Variants in NRG3 observed in about 807,000 individuals in gnomAD.
NRG3 encodes the protein pro-neuregulin-3, membrane-bound isoform.
Under a neutral mutation model 66.9 loss-of-function variants are expected in NRG3, and 31 were observed. The observed-to-expected ratio is 0.46, with a 90% confidence interval of 0.35 to 0.63. The LOEUF (loss-of-function observed/expected upper bound fraction) is 0.63. Among genes scored for constraint, NRG3 ranks in the 20% least tolerant of loss-of-function variants. The probability of loss-of-function intolerance (pLI) is 0.00; values close to 1 mark genes in which losing one functional copy is unlikely to be tolerated. For missense variants in NRG3, 910 were observed against 878.9 expected (o/e 1.04, Z -0.45); for synonymous variants, 393 against 359.4 (o/e 1.09, Z -1.06).
At chr10:82,107,893 A>G (rs2067164053) in intron 1 of NRG3, among the ~76,000 whole-genome samples, 1 of 152,202 alleles carries the variant, frequency 6.6e-6, no homozygotes, top group Admixed American at 6.5e-5. Flanking sequence ...ATATCCAGGT[A>G]AGGTTGGTAA....
At chr10:82,074,302 A>G (rs1459598562) in intron 1 of NRG3, among the ~76,000 whole-genome samples, 2 of 152,104 alleles carry the variant, frequency 1.3e-5, no homozygotes, top group East Asian at 1.9e-4. Context: ...AGGATTGGGG[A>G]TCCCAGTGGA....
intron 4 of NRG3, among the ~76,000 whole-genome samples, chr10:82,871,429 G>A (rs969219385): frequency 6.6e-6 from 1 of 151,902 alleles, no homozygotes; most frequent in Non-Finnish European, 1.5e-5. Flanking sequence ...ATAAATGTTA[G>A]AATCAGTTTA....
At chr10:82,578,307 G>A (rs559709423) in intron 2 of NRG3, among the ~76,000 whole-genome samples, 118 of 141,088 alleles carry the variant, frequency 8.4e-4, no homozygotes, top group Non-Finnish European at 1.5e-3. Context: ...TGAAACTCAA[G>A]TTTCTCTGAT....
chr10:82,801,161 A>C (rs1334438424), intron 3 of NRG3, among the ~76,000 whole-genome samples: 1 of 152,198 alleles, frequency 6.6e-6, no homozygotes, highest in African/African-American at 2.4e-5. Context: ...TCCGCTAGAG[A>C]AAAGTTGCAC....
intron 2 of NRG3, among the ~76,000 whole-genome samples, chr10:82,412,795 A>G (rs958205657): frequency 1.3e-5 from 2 of 152,214 alleles, no homozygotes; most frequent in Admixed American, 6.6e-5. Context: ...CACTTCAACA[A>G]TGTTCACAGC....
At chr10:82,797,516 T>G (rs1332721169) in intron 3 of NRG3, among the ~76,000 whole-genome samples, 2 of 152,116 alleles carry the variant, frequency 1.3e-5, no homozygotes, top group Non-Finnish European at 2.9e-5. Context: ...AAACAATGTT[T>G]TTTTTCTGTC....
chr10:81,969,052 T>G (rs1274065340), intron 1 of NRG3, among the ~76,000 whole-genome samples: 1 of 152,190 alleles, frequency 6.6e-6, no homozygotes, highest in Non-Finnish European at 1.5e-5. Context: ...GGTATCTGAC[T>G]GAAGCCATCT....
intron 2 of NRG3, among the ~76,000 whole-genome samples, chr10:82,641,362 G>T (rs1293358199): frequency 2.0e-5 from 3 of 152,014 alleles, no homozygotes; most frequent in African/African-American, 7.2e-5. Context: ...TGTATATAAT[G>T]TCTCATATAT....
chr10:81,965,113 C>T (rs939063386), intron 1 of NRG3, among the ~76,000 whole-genome samples: 2 of 152,246 alleles, frequency 1.3e-5, no homozygotes, highest in South Asian at 2.1e-4. Context: ...GTGTTCCTGA[C>T]GAATTTCCGG....
intron 2 of NRG3, among the ~76,000 whole-genome samples, chr10:82,677,044 TTCTC>T (rs3040206): frequency 0.034 from 5,054 of 148,114 alleles, 190 homozygotes; most frequent in African/African-American, 0.094. Flanking sequence ...CTTTCTTTCT[TTCTC>T]TCTCTCTCTC....
At chr10:82,581,441 A>T (rs2046350042) in intron 2 of NRG3, among the ~76,000 whole-genome samples, 1 of 151,952 alleles carries the variant, frequency 6.6e-6, no homozygotes, top group African/African-American at 2.4e-5. Flanking sequence ...TTAAATTTTA[A>T]TTGATTTAAA....
At position 82,784,963 on chromosome 10, in the gene NRG3, C is replaced by G. The variant is rs546236434; in HGVS notation, c.1027+46313C>G. On this transcript the variant is annotated intron_variant, in intron 3 of 8. Transcript: ENST00000372141. ...AAGACTTGGAACCAACCCAAATGTC[C>G]GACAATGGTAGACTGGATTAAGAAA... is the stretch of plus-strand genomic sequence containing the variant. Among the ~76,000 whole-genome samples, 5 of 152,078 alleles carry G rather than the reference C, an allele frequency of 3.3e-5. No individual in the cohort carries two copies. The South Asian group carries it at 6.2e-4, about 19-fold the overall frequency.
intron 2 of NRG3, among the ~76,000 whole-genome samples, chr10:82,446,821 C>T (rs1262190879): frequency 6.6e-6 from 1 of 152,194 alleles, no homozygotes; most frequent in Non-Finnish European, 1.5e-5. Flanking sequence ...TTCAAAACTG[C>T]TTCCCGCAAT....
At chr10:81,912,233 T>A (rs1362438394) in intron 1 of NRG3, among the ~76,000 whole-genome samples, 1 of 152,174 alleles carries the variant, frequency 6.6e-6, no homozygotes, top group African/African-American at 2.4e-5. Flanking sequence ...ATGATGATGA[T>A]GATGATTACA....
intron 2 of NRG3, among the ~76,000 whole-genome samples, chr10:82,462,158 T>C (rs191116291): frequency 1.3e-5 from 2 of 151,404 alleles, no homozygotes; most frequent in Non-Finnish European, 2.9e-5. Context: ...TAAATAAATC[T>C]ATCTATCTAT....
intron 1 of NRG3, among the ~76,000 whole-genome samples, chr10:82,076,354 C>G (rs574574650): frequency 1.3e-5 from 2 of 152,284 alleles, no homozygotes; most frequent in Admixed American, 1.3e-4. Flanking sequence ...CTACCTTTAC[C>G]AAGTACATTT....
intron 1 of NRG3, among the ~76,000 whole-genome samples, chr10:82,338,135 C>G (rs909688692): frequency 6.6e-6 from 1 of 152,106 alleles, no homozygotes; most frequent in Non-Finnish European, 1.5e-5. Flanking sequence ...ACATAAAAAA[C>G]TTTTATGGAA....
chr10:82,973,747 T>C (rs749253299), intron 6 of NRG3, 41 bp from the exon 7 acceptor site: 2 of 1,612,244 alleles, frequency 1.2e-6, no homozygotes, highest in South Asian at 1.1e-5. Flanking sequence ...CCCTCCATAA[T>C]GTATCCTTCG....
At chr10:82,978,434 A>G (rs556247511) in intron 7 of NRG3, among the ~76,000 whole-genome samples, 1 of 152,356 alleles carries the variant, frequency 6.6e-6, no homozygotes, top group East Asian at 1.9e-4. Context: ...GAGGTCGTGA[A>G]CAGGGAATTT....
Sources: allele counts gnomAD v4.1 joint callset (sites outside exome capture counted in the v4.1 genomes callset), GRCh38; gene constraint gnomAD v4.1.1; transcripts MANE v1.5; gene names NCBI Gene and HGNC (gene_info 2026-07-23, HGNC 2026-07-21).